The following ZMYM4 variants were observed in gnomAD, a reference collection of about 807,000 sequenced individuals.
ZMYM4 encodes zinc finger MYM-type containing 4.
A neutral mutation model predicts 183.2 loss-of-function variants in ZMYM4; 31 were observed. The ratio of observed to expected loss-of-function variants is 0.17; its 90% CI spans 0.13 to 0.23. ZMYM4 has a LOEUF of 0.23. Among genes scored for constraint, ZMYM4 ranks in the 10% least tolerant of loss-of-function variants. ZMYM4 has a pLI of 1.00. For synonymous variants in ZMYM4, 592 were observed against 631.2 expected, an observed-to-expected ratio of 0.94 and a Z score of 0.93; for missense variants, 1,273 against 1,840.3, an observed-to-expected ratio of 0.69 and a Z score of 5.64.
intron 1 of ZMYM4, among the ~76,000 whole-genome samples, chr1:35,278,902 A>G (rs1339141685): frequency 1.3e-5 from 2 of 152,224 alleles, no homozygotes; most frequent in African/African-American, 4.8e-5. Context: ...CCAAAATACA[A>G]TGATGAGAGG....
At chr1:35,369,115 A>G (rs764122400) in intron 5 of ZMYM4, among the ~76,000 whole-genome samples, 1 of 152,168 alleles carries the variant, frequency 6.6e-6, no homozygotes, top group Non-Finnish European at 1.5e-5. Context: ...CCCCATCACA[A>G]AAAAAGGAGA....
At chr1:35,322,010 A>G (rs1369121987) in intron 1 of ZMYM4, among the ~76,000 whole-genome samples, 3 of 151,984 alleles carry the variant, frequency 2.0e-5, no homozygotes, top group Non-Finnish European at 2.9e-5. Context: ...ATAATATAAT[A>G]AGAGACTGTG....
At chr1:35,357,172 G>A (rs963976037) in intron 2 of ZMYM4, among the ~76,000 whole-genome samples, 2 of 152,334 alleles carry the variant, frequency 1.3e-5, no homozygotes, top group South Asian at 2.1e-4. Context: ...TTATAGGTGT[G>A]AGCCACTGTG....
chr1:35,410,116 G>A (rs1254951062), intron 26 of ZMYM4, among the ~76,000 whole-genome samples: 2 of 152,130 alleles, frequency 1.3e-5, no homozygotes, highest in African/African-American at 4.8e-5. Context: ...GAGTGAGGAC[G>A]AAGTACCAGG....
chr1:35,289,046 C>T (rs1640636824), intron 1 of ZMYM4, among the ~76,000 whole-genome samples: 1 of 152,142 alleles, frequency 6.6e-6, no homozygotes, highest in African/African-American at 2.4e-5. Flanking sequence ...AAGCTTTGTG[C>T]TAGTGGTGGG....
chr1:35,367,740 G>GT (rs1644121042), intron 5 of ZMYM4, among the ~76,000 whole-genome samples: 1 of 152,082 alleles, frequency 6.6e-6, no homozygotes. Context: ...ACTTTGGGAG[G>GT]TTGAGGCGGG....
At chr1:35,284,346 TA>T (rs1640363562) in intron 1 of ZMYM4, among the ~76,000 whole-genome samples, 1 of 152,250 alleles carries the variant, frequency 6.6e-6, no homozygotes, top group Non-Finnish European at 1.5e-5. Flanking sequence ...GTATCATATT[TA>T]AGATGCTATT....
At chr1:35,379,240 A>G (rs1041487487) in intron 7 of ZMYM4, among the ~76,000 whole-genome samples, 1 of 152,130 alleles carries the variant, frequency 6.6e-6, no homozygotes, top group Non-Finnish European at 1.5e-5. Flanking sequence ...AGCTCAGACT[A>G]CAGTCACGCG....
Position 35,291,367 on chromosome 1 carries a change from C to T in ZMYM4, c.39+22282C>T, listed in dbSNP as rs1570268202. Among the ~76,000 whole-genome samples the T allele has an allele frequency of 3.9e-5, 6 of 152,110 alleles. No individual in the cohort carries two copies. The South Asian group carries it at 1.2e-3, about 32-fold the overall frequency. On this transcript the variant is annotated intron_variant, in intron 1 of 29. Coordinates refer to ENST00000314607, the MANE Select transcript of ZMYM4 (RefSeq NM_005095.3). ...CATATTTCTGGCCTGAAGTGACCCT[C>T]CCACATCAGCTTCATTTTCTTAAGT...
intron 25 of ZMYM4, among the ~76,000 whole-genome samples, chr1:35,407,415 C>T (rs189554224): frequency 9.1e-5 from 13 of 142,754 alleles, no homozygotes; most frequent in African/African-American, 2.1e-4. Context: ...GCAATAAAAG[C>T]GAAATTCCAT....
At chr1:35,271,075 C>G (rs1156333629) in intron 1 of ZMYM4, among the ~76,000 whole-genome samples, 1 of 152,134 alleles carries the variant, frequency 6.6e-6, no homozygotes. Context: ...CAGTTTTGAA[C>G]TAGATCCTTA....
At chr1:35,276,271 C>G (rs540769581) in intron 1 of ZMYM4, among the ~76,000 whole-genome samples, 10 of 144,568 alleles carry the variant, frequency 6.9e-5, no homozygotes, top group African/African-American at 2.5e-4. Context: ...TCCTTCCCTC[C>G]CTCCCTCCCT....
rs111294947 is a variant in ZMYM4 at position 35,393,546 on chromosome 1, A to G, written c.2767-49A>G. 5.4e-5 allele frequency: 81 copies of G among 1,492,182 alleles called. 3 individuals are homozygous for G. The highest frequency in any genetic ancestry group is 5.3e-4 in the African/African-American group (37 of 70,466). 92.4% of individuals were successfully genotyped at this position (1,492,182 alleles called of 1,614,324 possible). On this transcript the variant is annotated intron_variant, in intron 17 of 29. Transcript: ENST00000314607. Reference sequence around the variant, plus strand: ...ATATTATAATATTTCTTATAATTACAATGAGATTTTTAAAAATGTTTTTGG... The same window carrying G: ...ATATTATAATATTTCTTATAATTACGATGAGATTTTTAAAAATGTTTTTGG...
At chr1:35,284,315 C>G (rs1208202587) in intron 1 of ZMYM4, among the ~76,000 whole-genome samples, 1 of 152,158 alleles carries the variant, frequency 6.6e-6, no homozygotes, top group Non-Finnish European at 1.5e-5. Flanking sequence ...TTGTGTTTTT[C>G]TTTTGTAGCT....
chr1:35,328,747 G>A (rs905156571), intron 2 of ZMYM4, among the ~76,000 whole-genome samples: 2 of 152,124 alleles, frequency 1.3e-5, no homozygotes, highest in South Asian at 2.1e-4. Context: ...GCCTCTCTCT[G>A]TGAGGGGAAT....
intron 1 of ZMYM4, among the ~76,000 whole-genome samples, chr1:35,312,190 G>C (rs1164799826): frequency 6.6e-6 from 1 of 151,864 alleles, no homozygotes; most frequent in Non-Finnish European, 1.5e-5. Flanking sequence ...TGAGTGTCTT[G>C]GTGTATATAT....
chr1:35,376,533 T>C (rs1482923278), intron 7 of ZMYM4, among the ~76,000 whole-genome samples: 1 of 129,604 alleles, frequency 7.7e-6, no homozygotes, highest in Non-Finnish European at 1.5e-5. Context: ...TTTATACTTC[T>C]TTTTTTTTTG....
chr1:35,357,970 G>C (rs1350888656), intron 2 of ZMYM4, among the ~76,000 whole-genome samples: 1 of 152,122 alleles, frequency 6.6e-6, no homozygotes, highest in Non-Finnish European at 1.5e-5. Context: ...ATTAAGGAAA[G>C]TAAGAAATAA....
intron 2 of ZMYM4, among the ~76,000 whole-genome samples, chr1:35,342,623 C>T (rs1245287058): frequency 6.6e-6 from 1 of 152,032 alleles, no homozygotes; most frequent in Non-Finnish European, 1.5e-5. Flanking sequence ...TTTTGTCCAT[C>T]TTAAAATTTG....
Sources: allele counts gnomAD v4.1 joint callset (sites outside exome capture counted in the v4.1 genomes callset), GRCh38; gene constraint gnomAD v4.1.1; transcripts MANE v1.5; gene names NCBI Gene and HGNC (gene_info 2026-07-23, HGNC 2026-07-21).